The following DCP1B variants were observed in gnomAD, a reference collection of about 807,000 sequenced individuals.
The protein encoded by DCP1B is mRNA-decapping enzyme 1B.
A neutral mutation model predicts 60.5 loss-of-function variants in DCP1B; 47 were observed. That is an observed-to-expected ratio of 0.78 (90% confidence interval 0.61 to 0.99). The LOEUF (loss-of-function observed/expected upper bound fraction) is 0.99, where lower values mean the gene tolerates loss of function less well. DCP1B is among the 50% of genes least tolerant of loss of function. The probability of loss-of-function intolerance (pLI) is 0.00; values close to 1 mark genes in which losing one functional copy is unlikely to be tolerated. For synonymous variants in DCP1B, 267 were observed against 280.3 expected (o/e 0.95, Z 0.47); for missense variants, 725 against 756.8 (o/e 0.96, Z 0.49).
intron 4 of DCP1B, 125 bp downstream of exon 4, chr12:1,967,719 C>A: frequency 1.3e-6 from 1 of 764,252 alleles, no homozygotes. Flanking sequence ...TAAATGTCTG[C>A]CTAACCAGTG....
At chr12:1,959,216 C>G (rs2031030546) in intron 5 of DCP1B, among the ~76,000 whole-genome samples, 1 of 152,208 alleles carries the variant, frequency 6.6e-6, no homozygotes, top group Non-Finnish European at 1.5e-5. Flanking sequence ...TAAGGACAGG[C>G]AACAAAAGCA....
intron 3 of DCP1B, 54 bp from the exon 4 acceptor site, chr12:1,967,964 G>GA (rs1399185723): frequency 2.0e-5 from 29 of 1,422,120 alleles, no homozygotes; most frequent in Admixed American, 6.2e-5. Flanking sequence ...CTACAAAATA[G>GA]AAAAAAATCT....
intron 3 of DCP1B, chr12:1,993,052 A>T: frequency 1.4e-6 from 1 of 705,164 alleles, no homozygotes; most frequent in Non-Finnish European, 2.5e-6. Context: ...TTAGGTTTAT[A>T]TCATCATATT....
At chr12:1,992,447 GA>G (rs1363063030) in intron 3 of DCP1B, 4 of 153,280 alleles carry the variant, frequency 2.6e-5, no homozygotes, top group African/African-American at 9.7e-5. Context: ...AAAATATACA[GA>G]AAACATTTCT....
chr12:1,997,789 C>G, intron 2 of DCP1B, 146 bp downstream of exon 2: 1 of 675,008 alleles, frequency 1.5e-6, no homozygotes, highest in Non-Finnish European at 2.6e-6. Flanking sequence ...TTCCCTTCTT[C>G]GTGTCAACTA....
chr12:1,994,022 T>TAA (rs113099365), intron 2 of DCP1B, among the ~76,000 whole-genome samples: 4,255 of 152,362 alleles, frequency 0.028, 95 homozygotes, highest in Middle Eastern at 0.054. Context: ...TAAACCACTA[T>TAA]AAGTTTTTCT....
At position 1,963,864 on chromosome 12, in the gene DCP1B, T is replaced by G. The variant is rs74059681; in HGVS notation, c.522+1694A>C. ...CAAGAGTGAGAAACTCTATTTTTTGTTTTTATACCTAAGAAACAAAACATG... is the reference window on the plus strand; with the variant it reads ...CAAGAGTGAGAAACTCTATTTTTTGGTTTTATACCTAAGAAACAAAACATG... On this transcript the variant is annotated intron_variant, in intron 5 of 8. Coordinates refer to ENST00000280665, the MANE Select transcript of DCP1B (RefSeq NM_152640.5). Among the ~76,000 whole-genome samples, 242 of 152,334 alleles carry G rather than the reference T, an allele frequency of 1.6e-3. 1 individual carries two copies. The highest frequency in any genetic ancestry group is 5.7e-3 in the African/African-American group (235 of 41,580).
intron 5 of DCP1B, among the ~76,000 whole-genome samples, chr12:1,957,186 GA>G (rs1355044765): frequency 2.0e-5 from 3 of 152,224 alleles, no homozygotes; most frequent in South Asian, 2.1e-4. Flanking sequence ...ATCCTGGGGG[GA>G]AAAACAGTTT....
chr12:1,985,797 A>C (rs759202104), intron 3 of DCP1B, among the ~76,000 whole-genome samples: 3 of 152,022 alleles, frequency 2.0e-5, no homozygotes, highest in Non-Finnish European at 4.4e-5. Context: ...GATGCTTCCC[A>C]TATCAGTTCC....
intron 3 of DCP1B, among the ~76,000 whole-genome samples, chr12:1,972,560 T>C (rs1196888765): frequency 6.6e-6 from 1 of 152,190 alleles, no homozygotes; most frequent in Non-Finnish European, 1.5e-5. Context: ...CAAGAACCTA[T>C]TTCACCAATG....
At position 1,952,788 on chromosome 12, in the gene DCP1B, G is replaced by A; in HGVS notation, c.1152C>T (p.Arg384=). ...GGGTGACAGAAGTGGGAGCTCTGCT[G>A]CGGTTCAGGGCAGCTGAGCTGGCAG... The part of the protein sequence containing the change: ...PAPASSAALN[R]SRAPTSVTPV... Residue 384 remains arginine, a synonymous_variant, in exon 7 of 9, where the codon CGC becomes CGT. Transcript: ENST00000280665. 3.7e-6 allele frequency: 6 copies of A among 1,614,208 alleles called. No individual in the cohort carries two copies. The highest frequency in any genetic ancestry group is 5.1e-6 in the Non-Finnish European group (6 of 1,180,030).
At chr12:1,981,949 C>G (rs189037493) in intron 3 of DCP1B, among the ~76,000 whole-genome samples, 4 of 152,142 alleles carry the variant, frequency 2.6e-5, no homozygotes, top group Non-Finnish European at 5.9e-5. Context: ...GAGCATTAGG[C>G]AAGCGTGCAA....
At chr12:1,986,974 C>T (rs2037980552) in intron 3 of DCP1B, among the ~76,000 whole-genome samples, 1 of 152,066 alleles carries the variant, frequency 6.6e-6, no homozygotes, top group African/African-American at 2.4e-5. Context: ...CCAAGTAACA[C>T]ATAATGAAAG....
chr12:1,972,960 T>C (rs1565786663), intron 3 of DCP1B, among the ~76,000 whole-genome samples: 1 of 152,198 alleles, frequency 6.6e-6, no homozygotes, highest in Admixed American at 6.5e-5. Flanking sequence ...CTGGCATCCA[T>C]AGATGGGAAA....
chr12:1,952,524 G>C lies in DCP1B; in HGVS notation c.1416C>G (p.Ala472=). The change falls in exon 7 of 9, where the codon GCC becomes GCG. Residue 472 remains alanine (A), a synonymous_variant. Transcript: ENST00000280665. ...CGAGCACAGGAAACTTAGCGGCCAA[G>C]GCTGGCCGGTTAGAGGCATGCAGCT... ...EQQLHASNRP[A]LAAKFPVLAQ... 6.2e-7 allele frequency: 1 copy of C among 1,614,206 alleles called. No homozygotes were observed.
chr12:1,984,778 TAAA>T (rs764705302), intron 3 of DCP1B, among the ~76,000 whole-genome samples: 4 of 81,324 alleles, frequency 4.9e-5, no homozygotes, highest in Non-Finnish European at 9.3e-5. Context: ...GGTCTTCTGG[TAAA>T]AAAAAAAAAA....
Position 2,004,394 on chromosome 12 carries a change from C to A in DCP1B, c.38G>T (p.Gly13Val), listed in dbSNP as rs751795229. 1.5e-5 allele frequency: 24 copies of A among 1,612,366 alleles called. No individual in the cohort carries two copies. Among genetic ancestry groups the A allele is most frequent in the Non-Finnish European group, 1.9e-5 (23 of 1,179,634 alleles). ...AVAAGGLVGK[G>V]RDISLAALQR... The stretch of plus-strand genomic sequence containing the variant: ...CAGGGCCGCTAGGCTGATGTCGCGC[C>A]CCTTTCCCACCAGGCCGCCTGCCGC... The change falls in exon 1 of 9, where the codon GGG becomes GTG. Residue 13 changes from glycine (G) to valine (V), a missense_variant. Transcript: ENST00000280665.
chr12:1,947,114 G>A (rs564492069), intron 8 of DCP1B, among the ~76,000 whole-genome samples: 1 of 152,332 alleles, frequency 6.6e-6, no homozygotes, highest in South Asian at 2.1e-4. Context: ...CATAAGTTAT[G>A]GAAAGTTTCT....
intron 1 of DCP1B, among the ~76,000 whole-genome samples, chr12:2,001,126 A>G (rs546279808): frequency 6.6e-6 from 1 of 152,304 alleles, no homozygotes; most frequent in East Asian, 1.9e-4. Context: ...ACCTGGATAA[A>G]AGAGACTTTG....
Sources: gnomAD v4.1 joint callset for allele counts (sites outside exome capture counted in the v4.1 genomes callset) on GRCh38, gnomAD v4.1.1 for gene constraint, MANE v1.5 for transcripts, NCBI Gene and HGNC (gene_info 2026-07-23, HGNC 2026-07-21) for gene names.